SLC16A7: variants seen among roughly 807,000 people sequenced by gnomAD.
The protein encoded by SLC16A7 is monocarboxylate transporter 2.
Under a neutral mutation model 34.9 loss-of-function variants are expected in SLC16A7, and 33 were observed. The observed-to-expected ratio is 0.94, with a 90% CI of 0.72 to 1.26. The LOEUF (loss-of-function observed/expected upper bound fraction) is 1.26. Among genes scored for constraint, SLC16A7 ranks in the 50% most tolerant of loss-of-function variants. SLC16A7 has a pLI of 0.00. For synonymous variants in SLC16A7, 201 were observed against 206.6 expected, an observed-to-expected ratio of 0.97 and a Z score of 0.23; for missense variants, 573 against 578.1, an observed-to-expected ratio of 0.99 and a Z score of 0.09.
chr12:59,725,132 A>G (rs546489092), intron 3 of SLC16A7, among the ~76,000 whole-genome samples: 1 of 152,192 alleles, frequency 6.6e-6, no homozygotes, highest in Admixed American at 6.5e-5. Flanking sequence ...TTCATAACTA[A>G]AAGTATAGAA....
chr12:59,746,141 A>G (rs1160937015), intron 3 of SLC16A7, among the ~76,000 whole-genome samples: 1 of 152,230 alleles, frequency 6.6e-6, no homozygotes, highest in Non-Finnish European at 1.5e-5. Flanking sequence ...ACTTCAAGTA[A>G]GGAAACAGCA....
chr12:59,616,174 G>T (rs976182386), intron 1 of SLC16A7, among the ~76,000 whole-genome samples: 1 of 152,070 alleles, frequency 6.6e-6, no homozygotes, highest in Admixed American at 6.6e-5. Flanking sequence ...GTGTTTTATT[G>T]TACAGCATTT....
intron 1 of SLC16A7, among the ~76,000 whole-genome samples, chr12:59,627,601 G>A (rs554985557): frequency 1.3e-5 from 2 of 151,836 alleles, no homozygotes; most frequent in South Asian, 4.1e-4. Context: ...ATTTTCTCTG[G>A]ATAAATCCAT....
chr12:59,752,814 A>G (rs1012625727), intron 3 of SLC16A7, among the ~76,000 whole-genome samples: 5 of 152,206 alleles, frequency 3.3e-5, no homozygotes, highest in African/African-American at 4.8e-5. Context: ...CAGATTCACC[A>G]AAGTTGAAAT....
At chr12:59,703,958 T>C (rs1184438809) in intron 2 of SLC16A7, among the ~76,000 whole-genome samples, 8 of 151,798 alleles carry the variant, frequency 5.3e-5, no homozygotes, top group Middle Eastern at 6.8e-3. Flanking sequence ...TCCCAACACA[T>C]TGGGAGGCTG....
intron 1 of SLC16A7, among the ~76,000 whole-genome samples, chr12:59,646,304 G>C (rs1215863447): frequency 1.3e-5 from 2 of 152,176 alleles, no homozygotes; most frequent in Admixed American, 6.5e-5. Flanking sequence ...GCTGTGTGCA[G>C]CCTCAAGACT....
chr12:59,664,412 G>A (rs922519151), intron 2 of SLC16A7, among the ~76,000 whole-genome samples: 1 of 152,074 alleles, frequency 6.6e-6, no homozygotes, highest in African/African-American at 2.4e-5. Context: ...GGAGTGTTAT[G>A]TGTGATCAAG....
At chr12:59,771,642 T>A (rs17122972) in intron 4 of SLC16A7, among the ~76,000 whole-genome samples, 11,598 of 152,238 alleles carry the variant, frequency 0.076, 534 homozygotes, top group South Asian at 0.17. Flanking sequence ...TTTGCTTTTT[T>A]CTCTTCAGCC....
chr12:59,652,188 ATAAGT>A lies in SLC16A7; in HGVS notation c.-129-2960_-129-2956del, dbSNP rs140565908. On this transcript the variant is annotated intron_variant, in intron 1 of 5. Coordinates refer to ENST00000547379, the MANE Select transcript of SLC16A7 (RefSeq NM_001270623.2). ...GGAGGACATTTATTTATTTTGTGAA[ATAAGT>A]TAATAAAATTACATATGTCAGCTGA... Among the ~76,000 whole-genome samples, 901 of 152,192 alleles carry A rather than the reference ATAAGT, an allele frequency of 5.9e-3. 57 individuals are homozygous for A. The East Asian group carries it at 0.15, about 25-fold the overall frequency.
At chr12:59,598,202 G>T (rs768719872) in intron 1 of SLC16A7, among the ~76,000 whole-genome samples, 4 of 152,188 alleles carry the variant, frequency 2.6e-5, no homozygotes, top group Non-Finnish European at 4.4e-5. Context: ...AGAACAGATT[G>T]GTTCTGCACT....
chr12:59,630,102 C>T (rs1367614999), intron 1 of SLC16A7, among the ~76,000 whole-genome samples: 1 of 151,626 alleles, frequency 6.6e-6, no homozygotes, highest in Admixed American at 6.6e-5. Flanking sequence ...TGCGATACAC[C>T]CTGACTCTCC....
chr12:59,780,554 CTT>C lies in SLC16A7; in HGVS notation c.*876_*877del, dbSNP rs999989582. On this transcript the variant is annotated 3_prime_UTR_variant, in exon 6 of 6. Transcript: ENST00000547379. ...CTAATATGTAAAAGTCTGCATGACT[CTT>C]AACAATGAGTCACATCCATTGATTT... 1.3e-5 allele frequency: 2 copies of C among 152,026 alleles called. No homozygotes were observed. Among genetic ancestry groups the C allele is most frequent in the African/African-American group, 4.8e-5 (2 of 41,416 alleles). 9.4% of individuals were successfully genotyped at this position (152,026 alleles called of 1,614,324 possible).
intron 3 of SLC16A7, among the ~76,000 whole-genome samples, chr12:59,729,684 C>T (rs1019542254): frequency 6.6e-6 from 1 of 152,082 alleles, no homozygotes; most frequent in Non-Finnish European, 1.5e-5. Flanking sequence ...AGGGATGGAT[C>T]CTCATCATGT....
At chr12:59,702,158 C>T (rs1872961542) in intron 2 of SLC16A7, among the ~76,000 whole-genome samples, 1 of 151,736 alleles carries the variant, frequency 6.6e-6, no homozygotes, top group South Asian at 2.1e-4. Flanking sequence ...GATTCAGATT[C>T]TTTAGACAAC....
At chr12:59,652,912 G>GA (rs545800572) in intron 1 of SLC16A7, among the ~76,000 whole-genome samples, 163 of 151,904 alleles carry the variant, frequency 1.1e-3, no homozygotes, top group African/African-American at 3.8e-3. Context: ...TGTACAAGGT[G>GA]AAGGTTACTT....
chr12:59,624,390 A>G (rs886445323), intron 1 of SLC16A7, among the ~76,000 whole-genome samples: 1 of 151,612 alleles, frequency 6.6e-6, no homozygotes. Context: ...TAATCTTGCT[A>G]CTTAATGGTG....
At chr12:59,693,125 A>AG (rs2137102809) in intron 2 of SLC16A7, among the ~76,000 whole-genome samples, 1 of 152,136 alleles carries the variant, frequency 6.6e-6, no homozygotes, top group East Asian at 1.9e-4. Flanking sequence ...TAGGATGTAG[A>AG]GAAAAACTCA....
chr12:59,660,462 C>T (rs1868786525), intron 2 of SLC16A7, among the ~76,000 whole-genome samples: 1 of 150,780 alleles, frequency 6.6e-6, no homozygotes, highest in Non-Finnish European at 1.5e-5. Context: ...ATTCTGACAT[C>T]ATCATATGGA....
At chr12:59,764,577 G>A (rs1379818076) in intron 3 of SLC16A7, among the ~76,000 whole-genome samples, 1 of 149,636 alleles carries the variant, frequency 6.7e-6, no homozygotes, top group Non-Finnish European at 1.5e-5. Flanking sequence ...GTGAGAACAC[G>A]TGGTGTTTGG....
Sources: allele counts gnomAD v4.1 joint callset (sites outside exome capture counted in the v4.1 genomes callset), GRCh38; gene constraint gnomAD v4.1.1; transcripts MANE v1.5; gene names NCBI Gene and HGNC (gene_info 2026-07-23, HGNC 2026-07-21).